Variants in ATP6V0E1 observed in about 807,000 individuals in gnomAD.
The protein encoded by ATP6V0E1 is V-type proton ATPase subunit e 1.
In ATP6V0E1, 4 loss-of-function variants were observed where a neutral mutation model predicts 11.6. The ratio of observed to expected loss-of-function variants is 0.35; its 90% CI spans 0.17 to 0.79. The LOEUF (loss-of-function observed/expected upper bound fraction) is 0.79, where lower values mean the gene tolerates loss of function less well. Among genes scored for constraint, ATP6V0E1 ranks in the 30% least tolerant of loss-of-function variants. The probability of loss-of-function intolerance (pLI) is 0.54; values close to 1 mark genes in which losing one functional copy is unlikely to be tolerated. For missense variants in ATP6V0E1, 105 were observed against 100.0 expected, an observed-to-expected ratio of 1.05 and a Z score of -0.21; for synonymous variants, 36 against 34.8, an observed-to-expected ratio of 1.04 and a Z score of -0.13.
chr5:173,021,141 C>T (rs545096905), intron 3 of ATP6V0E1, among the ~76,000 whole-genome samples: 12 of 151,962 alleles, frequency 7.9e-5, no homozygotes, highest in African/African-American at 2.7e-4. Flanking sequence ...GGGGGGCAGC[C>T]GTGTCATATG....
At chr5:173,033,689 T>A (rs1756698880) in intron 3 of ATP6V0E1, among the ~76,000 whole-genome samples, 1 of 151,564 alleles carries the variant, frequency 6.6e-6, no homozygotes, top group Non-Finnish European at 1.5e-5. Context: ...CAAAAAAATA[T>A]AAAAATTAGC....
intron 2 of ATP6V0E1, among the ~76,000 whole-genome samples, chr5:172,998,807 TG>T (rs1756111209): frequency 1.3e-5 from 2 of 152,208 alleles, no homozygotes; most frequent in South Asian, 4.1e-4. Context: ...TGAAGATCTC[TG>T]CAATGTGAGC....
intron 3 of ATP6V0E1, among the ~76,000 whole-genome samples, chr5:173,023,593 C>T (rs1581635800): frequency 6.6e-6 from 1 of 152,166 alleles, no homozygotes; most frequent in African/African-American, 2.4e-5. Context: ...GCCTGTAATC[C>T]CACTACTTTG....
At chr5:173,015,414 C>T (rs1756385482) in intron 2 of ATP6V0E1, among the ~76,000 whole-genome samples, 1 of 152,102 alleles carries the variant, frequency 6.6e-6, no homozygotes, top group Admixed American at 6.5e-5. Flanking sequence ...GATTGGCAGC[C>T]CCTTGGTAGC....
intron 1 of ATP6V0E1, among the ~76,000 whole-genome samples, chr5:172,991,992 C>CCTTCTTTCCTTCTTTCT (rs1561767787): frequency 4.0e-5 from 5 of 125,914 alleles, no homozygotes; most frequent in African/African-American, 1.8e-4. Flanking sequence ...TCTTTCTTTC[C>CCTTCTTTCCTTCTTTCT]TTCTTTCTTC....
chr5:173,017,768 G>T (rs1756424730), intron 2 of ATP6V0E1, among the ~76,000 whole-genome samples: 1 of 149,298 alleles, frequency 6.7e-6, no homozygotes, highest in East Asian at 2.0e-4. Context: ...TTGAACCCAG[G>T]AAGTGGAGGT....
At chr5:173,034,232 C>T (rs1756706712) in intron 3 of ATP6V0E1, among the ~76,000 whole-genome samples, 167 bp from the exon 4 acceptor site, 1 of 152,194 alleles carries the variant, frequency 6.6e-6, no homozygotes, top group Admixed American at 6.5e-5. Flanking sequence ...TGCCACAGCC[C>T]TGCAAAACCT....
chr5:172,987,095 AT>A lies in ATP6V0E1; in HGVS notation c.104+3137del. 3 of 203,850 alleles carry A rather than the reference AT, an allele frequency of 1.5e-5. No individual in the cohort carries two copies. In the South Asian group the frequency reaches 1.9e-4, roughly 13 times the overall value. The allele number at this position is 203,850 out of a possible 1,614,324, so 12.6% of individuals were successfully genotyped here. ...GCCACCACGCCCGGCTGGAAGATAC[AT>A]TTTTTAAACAAAAAGAGGAGCAGAA... is the stretch of plus-strand genomic sequence containing the variant. On this transcript the variant is annotated intron_variant, in intron 1 of 3. Transcript: ENST00000519374.
intron 1 of ATP6V0E1, among the ~76,000 whole-genome samples, chr5:172,985,029 G>A (rs1046531479): frequency 3.9e-5 from 6 of 152,236 alleles, no homozygotes; most frequent in Admixed American, 6.5e-5. Flanking sequence ...GGCGGATCAC[G>A]AGGTCAGGAG....
At chr5:172,984,979 G>C (rs1755858290) in intron 1 of ATP6V0E1, among the ~76,000 whole-genome samples, 1 of 152,204 alleles carries the variant, frequency 6.6e-6, no homozygotes, top group African/African-American at 2.4e-5. Context: ...AGGTGCCGTG[G>C]CTCACGCCTG....
At chr5:172,993,093 C>T (rs1295406090) in intron 1 of ATP6V0E1, among the ~76,000 whole-genome samples, 4 of 152,142 alleles carry the variant, frequency 2.6e-5, no homozygotes, top group African/African-American at 4.8e-5. Context: ...CCACCACGCC[C>T]GGCCACAAGG....
intron 1 of ATP6V0E1, among the ~76,000 whole-genome samples, chr5:172,992,837 G>A (rs1313766851): frequency 6.6e-6 from 1 of 151,902 alleles, no homozygotes; most frequent in Non-Finnish European, 1.5e-5. Flanking sequence ...TTGCTCTGTC[G>A]CCCATGCTGG....
Position 173,031,419 on chromosome 5 carries a change from C to CTTT in ATP6V0E1, c.*37-2965_*37-2963dup, listed in dbSNP as rs564495625. 1.4e-4 allele frequency among the ~76,000 whole-genome samples: 18 copies of CTTT among 129,082 alleles called. 2 individuals are homozygous for CTTT. The South Asian group carries it at 3.5e-3, about 25-fold the overall frequency. The allele number at this position is 129,082 out of a possible 152,430, so 84.7% of individuals were successfully genotyped here. A position where few individuals can be genotyped will look rare whatever the true frequency, so the allele number is the denominator to read the frequency against. On this transcript the variant is annotated intron_variant, in intron 3 of 3. Coordinates refer to ENST00000519374, the MANE Select transcript of ATP6V0E1 (RefSeq NM_003945.4). ...TTTATCTGATGGTAACCTTATGACT[C>CTTT]TTTTTTTTTTTTTTTTTGAGACGTG...
In ATP6V0E1 at chr5:173,034,735, T is replaced by G; in HGVS notation, c.*373T>G. 2.7e-6 allele frequency: 1 copy of G among 372,272 alleles called. No homozygotes were observed. The highest frequency in any genetic ancestry group is 5.0e-6 in the Non-Finnish European group (1 of 200,270). 23.1% of individuals were successfully genotyped at this position (372,272 alleles called of 1,614,324 possible). The stretch of plus-strand genomic sequence containing the variant: ...GGGAATCAGTGAAGTGTTTAGAAAC[T>G]GCTGCAAGACAAACAAGACTCCAGT... On this transcript the variant is annotated 3_prime_UTR_variant, in exon 4 of 4. Transcript: ENST00000519374.
At chr5:172,998,101 C>A (rs928544599) in intron 2 of ATP6V0E1, among the ~76,000 whole-genome samples, 1 of 150,710 alleles carries the variant, frequency 6.6e-6, no homozygotes, top group South Asian at 2.1e-4. Context: ...CCAAGTGATA[C>A]CCTGTCTCAA....
intron 2 of ATP6V0E1, among the ~76,000 whole-genome samples, chr5:172,998,609 T>TTA (rs1342939023): frequency 8.3e-6 from 1 of 119,928 alleles, no homozygotes; most frequent in Non-Finnish European, 1.8e-5. Flanking sequence ...GACTCCATCT[T>TTA]AAAAAAAAAA....
rs1384266139 is a variant in ATP6V0E1, at chr5:173,032,238, CTTTTA to C, written c.*37-2147_*37-2143del. 3.6e-3 allele frequency among the ~76,000 whole-genome samples: 440 copies of C among 122,810 alleles called. 4 individuals are homozygous for C. The highest frequency in any genetic ancestry group is 0.013 in the African/African-American group (412 of 31,624). The allele number at this position is 122,810 out of a possible 152,430, so 80.6% of individuals were successfully genotyped here. A position where few individuals can be genotyped will look rare whatever the true frequency, so the allele number is the denominator to read the frequency against. On this transcript the variant is annotated intron_variant, in intron 3 of 3. Transcript: ENST00000519374. ...TGCCATGTAACATAATGCACATTTACTTTTATTTTATTTTATTTATTTATTTATTT... is the reference window on the plus strand; with the variant it reads ...TGCCATGTAACATAATGCACATTTACTTTTATTTTATTTATTTATTTATTT...
intron 2 of ATP6V0E1, among the ~76,000 whole-genome samples, chr5:173,012,798 A>G (rs1335201618): frequency 6.6e-6 from 1 of 152,116 alleles, no homozygotes; most frequent in Admixed American, 6.5e-5. Flanking sequence ...ACCTGAAATT[A>G]TAAAACAGCT....
intron 2 of ATP6V0E1, among the ~76,000 whole-genome samples, chr5:173,013,673 C>T (rs1054815766): frequency 1.3e-5 from 2 of 151,418 alleles, no homozygotes; most frequent in Non-Finnish European, 2.9e-5. Context: ...TATATAAGGA[C>T]CTCAAACAAC....
Sources: allele counts gnomAD v4.1 joint callset (sites outside exome capture counted in the v4.1 genomes callset), GRCh38; gene constraint gnomAD v4.1.1; transcripts MANE v1.5; gene names NCBI Gene and HGNC (gene_info 2026-07-23, HGNC 2026-07-21).